The following SIPA1L3 variants were observed in gnomAD, a reference collection of about 807,000 sequenced individuals.
SIPA1L3 encodes signal induced proliferation associated 1 like 3, also known as signal-induced proliferation-associated 1-like protein 3.
SIPA1L3 carries 59 observed loss-of-function variants against 150.1 expected under a neutral mutation model. The ratio of observed to expected loss-of-function variants is 0.39; its 90% CI spans 0.32 to 0.49. SIPA1L3 has a LOEUF of 0.49. SIPA1L3 is among the 20% of genes least tolerant of loss of function. SIPA1L3 has a pLI of 0.86. For missense variants in SIPA1L3, 2,211 were observed against 2,489.5 expected (o/e 0.89, Z 2.38); for synonymous variants, 1,070 against 1,077.6 (o/e 0.99, Z 0.14).
rs576124206 is a variant in SIPA1L3 at position 37,958,065 on chromosome 19, G to A, written c.-379+50707G>A. Reference sequence around the variant, plus strand: ...ATTTGGAGATAGGATGCCACACTTTGTATGATTTCAGTCCTTTAAAGTTTT... The same window carrying A: ...ATTTGGAGATAGGATGCCACACTTTATATGATTTCAGTCCTTTAAAGTTTT... On this transcript the variant is annotated intron_variant, in intron 1 of 21. Transcript: ENST00000222345. 5.9e-5 allele frequency among the ~76,000 whole-genome samples: 9 copies of A among 152,248 alleles called. No homozygotes were observed. The East Asian group carries it at 1.5e-3, about 26-fold the overall frequency.
At chr19:38,178,365 G>C (rs2146016043) in intron 15 of SIPA1L3, among the ~76,000 whole-genome samples, 1 of 151,900 alleles carries the variant, frequency 6.6e-6, no homozygotes, top group South Asian at 2.1e-4. Flanking sequence ...CAACTCCTGG[G>C]CTCCAGCAGT....
intron 2 of SIPA1L3, among the ~76,000 whole-genome samples, chr19:38,072,147 C>T (rs886531494): frequency 6.6e-6 from 1 of 152,160 alleles, no homozygotes. Context: ...GGGGTTGAGT[C>T]CCCACTGTGT....
chr19:37,980,625 G>A (rs1967179855), intron 1 of SIPA1L3, among the ~76,000 whole-genome samples: 1 of 152,162 alleles, frequency 6.6e-6, no homozygotes, highest in East Asian at 1.9e-4. Flanking sequence ...GGGAGGAGGG[G>A]GCCCGTCGAG....
intron 2 of SIPA1L3, among the ~76,000 whole-genome samples, chr19:38,078,121 G>A (rs1969887358): frequency 6.6e-6 from 1 of 152,116 alleles, no homozygotes; most frequent in South Asian, 2.1e-4. Context: ...GCTCCTCTTG[G>A]CCTCTCTCCT....
At chr19:38,073,215 G>T (rs1969760764) in intron 2 of SIPA1L3, among the ~76,000 whole-genome samples, 1 of 152,214 alleles carries the variant, frequency 6.6e-6, no homozygotes. Context: ...TCAGTGGGAA[G>T]TGTGGCTGTG....
chr19:38,128,949 C>G (rs748400402), intron 9 of SIPA1L3, among the ~76,000 whole-genome samples: 1 of 152,154 alleles, frequency 6.6e-6, no homozygotes, highest in East Asian at 1.9e-4. Context: ...AGTATGAAAG[C>G]GGGCATCCTG....
At chr19:38,041,723 C>T (rs183068479) in intron 2 of SIPA1L3, among the ~76,000 whole-genome samples, 3 of 152,056 alleles carry the variant, frequency 2.0e-5, no homozygotes, top group African/African-American at 7.2e-5. Flanking sequence ...ACTACAGCCA[C>T]AAGCCATCAC....
chr19:38,132,330 C>T (rs551812264), intron 10 of SIPA1L3, among the ~76,000 whole-genome samples: 3 of 151,710 alleles, frequency 2.0e-5, no homozygotes, highest in Non-Finnish European at 2.9e-5. Flanking sequence ...GAGGCCGAGG[C>T]GGGCGGATCA....
At chr19:38,106,679 G>T in intron 7 of SIPA1L3, 39 bp downstream of exon 7, 1 of 1,418,910 alleles carries the variant, frequency 7.0e-7, no homozygotes, top group Non-Finnish European at 1.0e-6. Flanking sequence ...GCCGGATGTT[G>T]GCTGCCCACC....
At chr19:38,168,387 A>AAAAAAC (rs1418140750) in intron 15 of SIPA1L3, among the ~76,000 whole-genome samples, 30 of 152,166 alleles carry the variant, frequency 2.0e-4, no homozygotes, top group African/African-American at 7.2e-4. Context: ...ACTCCATCTT[A>AAAAAAC]AAAAACAAAA....
intron 2 of SIPA1L3, among the ~76,000 whole-genome samples, chr19:38,038,054 G>T (rs1416003804): frequency 6.6e-6 from 1 of 152,170 alleles, no homozygotes; most frequent in Non-Finnish European, 1.5e-5. Flanking sequence ...TGCCACTAGC[G>T]TGCCTTGGTG....
At position 38,069,033 on chromosome 19, in the gene SIPA1L3, C is replaced by T. The variant is rs181785302; in HGVS notation, c.-310-12223C>T. Reference sequence around the variant, plus strand: ...ACCGTATTATCCCTCTCCACTGCCCCGCCCACATGTGAGAACAAATATGTT... The same window carrying T: ...ACCGTATTATCCCTCTCCACTGCCCTGCCCACATGTGAGAACAAATATGTT... On this transcript the variant is annotated intron_variant, in intron 2 of 21. Transcript: ENST00000222345. Among the ~76,000 whole-genome samples, 6 of 152,286 alleles carry T rather than the reference C, an allele frequency of 3.9e-5. No individual in the cohort carries two copies. In the East Asian group the frequency reaches 5.8e-4, roughly 15 times the overall value.
intron 1 of SIPA1L3, among the ~76,000 whole-genome samples, chr19:37,929,827 TTATG>T (rs1403182087): frequency 2.6e-5 from 4 of 152,104 alleles, no homozygotes; most frequent in East Asian, 3.8e-4. Flanking sequence ...ATGTGACTTT[TTATG>T]TATGTATGTC....
At chr19:38,192,539 C>A (rs191147214) in intron 17 of SIPA1L3, among the ~76,000 whole-genome samples, 1 of 152,182 alleles carries the variant, frequency 6.6e-6, no homozygotes, top group Non-Finnish European at 1.5e-5. Flanking sequence ...GGCAGGCACT[C>A]GGGAATCTAC....
At chr19:38,101,251 C>T (rs1400138322) in intron 6 of SIPA1L3, 25 bp downstream of exon 6, 38 of 1,476,468 alleles carry the variant, frequency 2.6e-5, no homozygotes, top group Admixed American at 1.4e-4. Context: ...GGTTAGATCA[C>T]AGTGAGCCAC....
At chr19:37,919,728 G>C (rs1336727213) in intron 1 of SIPA1L3, among the ~76,000 whole-genome samples, 2 of 12,428 alleles carry the variant, frequency 1.6e-4, no homozygotes, top group South Asian at 2.5e-3. Flanking sequence ...TTTTTTTTTT[G>C]AGACAGAGTT....
At chr19:37,919,277 G>A (rs1051646452) in intron 1 of SIPA1L3, among the ~76,000 whole-genome samples, 1 of 152,138 alleles carries the variant, frequency 6.6e-6, no homozygotes, top group Non-Finnish European at 1.5e-5. Flanking sequence ...ACAGTGCCTG[G>A]CATGTGAGAG....
chr19:38,169,388 CAAAA>C (rs904366258), intron 15 of SIPA1L3, among the ~76,000 whole-genome samples: 4 of 141,846 alleles, frequency 2.8e-5, no homozygotes, highest in African/African-American at 7.8e-5. Context: ...GACTCAGTCT[CAAAA>C]AAAAAAAAAT....
intron 12 of SIPA1L3, among the ~76,000 whole-genome samples, chr19:38,149,660 C>A (rs1372828167): frequency 1.3e-5 from 2 of 152,188 alleles, no homozygotes; most frequent in Non-Finnish European, 2.9e-5. Context: ...AGTGGCTGTT[C>A]AAGCTGTAGC....
Sources: allele counts gnomAD v4.1 joint callset (sites outside exome capture counted in the v4.1 genomes callset), GRCh38; gene constraint gnomAD v4.1.1; transcripts MANE v1.5; gene names NCBI Gene and HGNC (gene_info 2026-07-23, HGNC 2026-07-21).